The following PCID2 variants were observed in gnomAD, a reference collection of about 807,000 sequenced individuals.
The protein encoded by PCID2 is PCI domain-containing protein 2.
PCID2 carries 41 observed loss-of-function variants against 61.3 expected under a neutral mutation model. The observed-to-expected ratio is 0.67, with a 90% CI of 0.52 to 0.87. The LOEUF (loss-of-function observed/expected upper bound fraction) is 0.87. Among genes scored for constraint, PCID2 ranks in the 40% least tolerant of loss-of-function variants. PCID2 has a pLI of 0.00. For missense variants in PCID2, 392 were observed against 493.4 expected (o/e 0.79, Z 1.95); for synonymous variants, 187 against 177.8 (o/e 1.05, Z -0.41).
chr13:113,198,783 A>G (rs532163950), intron 2 of PCID2, among the ~76,000 whole-genome samples: 1 of 152,380 alleles, frequency 6.6e-6, no homozygotes, highest in South Asian at 2.1e-4. Flanking sequence ...AAGCCCATGA[A>G]TATAATTTGG....
chr13:113,177,168 G>A (rs754842772), downstream of PCID2, among the ~76,000 whole-genome samples: 8 of 152,120 alleles, frequency 5.3e-5, no homozygotes, highest in Admixed American at 1.3e-4. Flanking sequence ...ACAGAGTTTC[G>A]CTCTTGTTGC....
At chr13:113,181,615 A>C (rs549898547) in intron 9 of PCID2, among the ~76,000 whole-genome samples, 1 of 152,238 alleles carries the variant, frequency 6.6e-6, no homozygotes, top group Non-Finnish European at 1.5e-5. Context: ...TCCACAATAC[A>C]TTTTAATCAC....
At chr13:113,195,205 ACC>A in intron 5 of PCID2, 80 bp from the exon 6 acceptor site, 1 of 840,296 alleles carries the variant, frequency 1.2e-6, no homozygotes, top group Non-Finnish European at 2.1e-6. Flanking sequence ...GAACACGGAC[ACC>A]CAGGGCTACT....
chr13:113,192,558 T>C (rs1187018548), intron 6 of PCID2, among the ~76,000 whole-genome samples: 1 of 152,170 alleles, frequency 6.6e-6, no homozygotes, highest in East Asian at 1.9e-4. Flanking sequence ...AAACAACTGA[T>C]GGTACTCGTT....
At chr13:113,198,041 G>T (rs1157685223) in intron 3 of PCID2, 150 bp downstream of exon 3, 8 of 615,624 alleles carry the variant, frequency 1.3e-5, no homozygotes, top group Non-Finnish European at 2.3e-5. Context: ...ATTTCCACAG[G>T]CTTTACCAAA....
At chr13:113,185,453 TAA>T in intron 8 of PCID2, 30 bp downstream of exon 8, 1 of 1,521,798 alleles carries the variant, frequency 6.6e-7, no homozygotes, top group Non-Finnish European at 9.1e-7. Flanking sequence ...TCGAAAATTG[TAA>T]AGACAGAAAG....
intron 7 of PCID2, among the ~76,000 whole-genome samples, chr13:113,189,589 T>A (rs1206678810): frequency 6.6e-6 from 1 of 151,684 alleles, no homozygotes; most frequent in African/African-American, 2.4e-5. Flanking sequence ...GAGATGGGAG[T>A]TTTAGAAGAA....
chr13:113,166,808 C>T, the PCID2 span, among the ~76,000 whole-genome samples: 2 of 152,166 alleles, frequency 1.3e-5, no homozygotes, highest in Non-Finnish European at 2.9e-5. Flanking sequence ...TAGGTAGTGA[C>T]AGGGTCTGGC....
At chr13:113,191,589 A>G (rs1257752052) in intron 6 of PCID2, among the ~76,000 whole-genome samples, 1 of 152,222 alleles carries the variant, frequency 6.6e-6, no homozygotes, top group African/African-American at 2.4e-5. Context: ...TAGTCAAAAC[A>G]CTTGAAATAA....
At chr13:113,202,090 A>G (rs1028122733) in intron 1 of PCID2, among the ~76,000 whole-genome samples, 1 of 152,202 alleles carries the variant, frequency 6.6e-6, no homozygotes, top group African/African-American at 2.4e-5. Context: ...AGGCTCACAC[A>G]TTGGTGATGG....
chr13:113,181,161 A>G lies in PCID2; in HGVS notation c.755T>C (p.Leu252Pro). The G allele has an allele frequency of 6.2e-7, 1 of 1,612,476 alleles. No homozygotes were observed. The highest frequency in any genetic ancestry group is 8.5e-7 in the Non-Finnish European group (1 of 1,178,462). ...CATTTTTACTGGAAGCAAATAGATCAGAATCATCCTTTTGTTCTTCTGACT... is the reference window on the plus strand; with the variant it reads ...CATTTTTACTGGAAGCAAATAGATCGGAATCATCCTTTTGTTCTTCTGACT... The part of the protein sequence containing the change: ...RSSQKNKRMI[L>P]IYLLPVKMLL... The change falls in exon 10 of 14, where the codon CTG becomes CCG. Residue 252 changes from leucine to proline, a missense_variant. By Grantham distance (98) the Leu-to-Pro change is moderately conservative. Transcript: ENST00000337344.
chr13:113,172,005 C>G, the PCID2 span: 1 of 1,613,188 alleles, frequency 6.2e-7, no homozygotes, highest in South Asian at 1.1e-5. Flanking sequence ...TGGTTTCTCA[C>G]GGGGGTCCTG....
At chr13:113,193,016 C>A (rs2038737288) in intron 6 of PCID2, among the ~76,000 whole-genome samples, 1 of 152,040 alleles carries the variant, frequency 6.6e-6, no homozygotes, top group Non-Finnish European at 1.5e-5. Context: ...TTGATCTGGA[C>A]CTCCCTGCCT....
At chr13:113,174,736 A>AG (rs2037162900), downstream of PCID2, among the ~76,000 whole-genome samples, 1 of 152,206 alleles carries the variant, frequency 6.6e-6, no homozygotes, top group African/African-American at 2.4e-5. Flanking sequence ...TACTGGCCTC[A>AG]GCCTCCCAAA....
At chr13:113,205,023 C>G (rs2039704826) in intron 1 of PCID2, among the ~76,000 whole-genome samples, 1 of 152,192 alleles carries the variant, frequency 6.6e-6, no homozygotes. Context: ...GCCCTCCAGT[C>G]TGGTCCACAG....
rs9577216 is a variant in PCID2 at position 113,204,839 on chromosome 13, A to G, written c.36+3760T>C. Among the ~76,000 whole-genome samples the G allele has an allele frequency of 2.9e-4, 44 of 152,300 alleles. No homozygotes were observed. The East Asian group carries it at 7.9e-3, about 27-fold the overall frequency. ...ACACAGGACCCCTAGCAGCCCAGCCACCTGGCCAACTCTTAACAGCTCATG... is the reference window on the plus strand; with the variant it reads ...ACACAGGACCCCTAGCAGCCCAGCCGCCTGGCCAACTCTTAACAGCTCATG... On this transcript the variant is annotated intron_variant, in intron 1 of 13. Transcript: ENST00000337344.
chr13:113,208,089 G>A (rs765053152), intron 1 of PCID2: 1 of 1,612,670 alleles, frequency 6.2e-7, no homozygotes, highest in Non-Finnish European at 8.5e-7. Context: ...TGTGCTCGGA[G>A]AGTGAAGGGC....
the PCID2 span, among the ~76,000 whole-genome samples, chr13:113,169,159 C>A: frequency 6.6e-6 from 1 of 152,170 alleles, no homozygotes; most frequent in Admixed American, 6.5e-5. Flanking sequence ...AATCTCCGTT[C>A]TCTCCGTGTT....
At chr13:113,185,176 G>A (rs1175508898) in intron 8 of PCID2, among the ~76,000 whole-genome samples, 1 of 152,204 alleles carries the variant, frequency 6.6e-6, no homozygotes, top group African/African-American at 2.4e-5. Context: ...GAGTGAAACC[G>A]CCTGCACTGA....
Sources: gnomAD v4.1 joint callset for allele counts (sites outside exome capture counted in the v4.1 genomes callset) on GRCh38, gnomAD v4.1.1 for gene constraint, MANE v1.5 for transcripts, NCBI Gene and HGNC (gene_info 2026-07-23, HGNC 2026-07-21) for gene names.